The following MGAM2 variants were observed in gnomAD, a reference collection of about 807,000 sequenced individuals.
The protein encoded by MGAM2 is maltase-glucoamylase 2 (putative), also known as probable maltase-glucoamylase 2.
Under a neutral mutation model 96.1 loss-of-function variants are expected in MGAM2, and 98 were observed. That is an observed-to-expected ratio of 1.02 (90% confidence interval 0.87 to 1.21). The LOEUF (loss-of-function observed/expected upper bound fraction) is 1.21, where lower values mean the gene tolerates loss of function less well. Among genes scored for constraint, MGAM2 ranks in the 50% most tolerant of loss-of-function variants. The probability of loss-of-function intolerance (pLI) is 0.00; values close to 1 mark genes in which losing one functional copy is unlikely to be tolerated. For missense variants in MGAM2, 2,055 were observed against 1,182.4 expected, an observed-to-expected ratio of 1.74 and a Z score of -10.82; for synonymous variants, 749 against 414.8, an observed-to-expected ratio of 1.81 and a Z score of -9.79.
chr7:142,131,681 A>C (rs1245800843), intron 5 of MGAM2, 54 bp downstream of exon 5: 1 of 695,176 alleles, frequency 1.4e-6, no homozygotes, highest in Non-Finnish European at 2.6e-6. Context: ...GTGTGCTCAC[A>C]TTGGGCTTGA....
intron 2 of MGAM2, among the ~76,000 whole-genome samples, chr7:142,119,719 A>G (rs940148120): frequency 6.6e-6 from 1 of 152,270 alleles, no homozygotes; most frequent in Non-Finnish European, 1.5e-5. Flanking sequence ...TGATTCAGCC[A>G]TTAAAAGCAA....
At chr7:142,168,646 C>G (rs949552426) in intron 26 of MGAM2, among the ~76,000 whole-genome samples, 1 of 152,052 alleles carries the variant, frequency 6.6e-6, no homozygotes, top group Admixed American at 6.6e-5. Flanking sequence ...TGAGATCTAC[C>G]GCTATGCACA....
chr7:142,176,898 A>G (rs1411347244), intron 32 of MGAM2, among the ~76,000 whole-genome samples: 1 of 152,218 alleles, frequency 6.6e-6, no homozygotes, highest in Non-Finnish European at 1.5e-5. Context: ...CTGTCTTTGT[A>G]AAAATAGATT....
chr7:142,175,891 G>C, intron 32 of MGAM2, 111 bp downstream of exon 32: 1 of 480,042 alleles, frequency 2.1e-6, no homozygotes, highest in Non-Finnish European at 3.7e-6. Flanking sequence ...CCTGTACTCT[G>C]TACTTTTTGT....
intron 37 of MGAM2, among the ~76,000 whole-genome samples, chr7:142,191,215 A>G (rs892312554): frequency 6.6e-6 from 1 of 152,114 alleles, no homozygotes; most frequent in African/African-American, 2.4e-5. Context: ...GTTTGAGGAT[A>G]TTTTCTCTCA....
At chr7:142,124,303 G>A (rs976363590) in intron 3 of MGAM2, among the ~76,000 whole-genome samples, 1 of 151,686 alleles carries the variant, frequency 6.6e-6, no homozygotes, top group Non-Finnish European at 1.5e-5. Flanking sequence ...ATTTTTAATC[G>A]ATCCATCACC....
In MGAM2 at chr7:142,143,876, G is replaced by A. The variant is rs1340999124; in HGVS notation, c.1425G>A (p.Val475=). 1 of 702,642 alleles carries A rather than the reference G, an allele frequency of 1.4e-6. No individual in the cohort carries two copies. The highest frequency in any genetic ancestry group is 2.6e-6 in the Non-Finnish European group (1 of 384,836). The allele number at this position is 702,642 out of a possible 1,614,324, so 43.5% of individuals were successfully genotyped here. A position where few individuals can be genotyped will look rare whatever the true frequency, so the allele number is the denominator to read the frequency against. Residue 475 remains valine, a synonymous_variant, in exon 13 of 48, where the codon GTG becomes GTA. Transcript: ENST00000477922. ...KFHDHLEFDG[V]WIEMNEVSSL... ...ATGATCATCTGGAGTTTGATGGAGT[G>A]TGGATTGTAAGTTATTATTCCTGAC...
chr7:142,191,718 G>T (rs1796876913), intron 37 of MGAM2, among the ~76,000 whole-genome samples: 1 of 151,682 alleles, frequency 6.6e-6, no homozygotes, highest in African/African-American at 2.4e-5. Context: ...CATTTGATAT[G>T]AATTTTGTAA....
chr7:142,145,020 C>T (rs375656876), intron 14 of MGAM2, 75 bp downstream of exon 14: 8 of 673,436 alleles, frequency 1.2e-5, no homozygotes, highest in Middle Eastern at 2.4e-4. Context: ...TCAGTGTGGT[C>T]GGGAGCAATT....
At chr7:142,181,364 A>G (rs997116335) in intron 32 of MGAM2, among the ~76,000 whole-genome samples, 7 of 151,906 alleles carry the variant, frequency 4.6e-5, no homozygotes, top group African/African-American at 1.7e-4. Context: ...TTTCACAGGC[A>G]CCCTTTTTGT....
At chr7:142,215,966 T>C (rs557777488) in intron 46 of MGAM2, among the ~76,000 whole-genome samples, 1 of 152,304 alleles carries the variant, frequency 6.6e-6, no homozygotes, top group East Asian at 1.9e-4. Context: ...TAGACTTCCA[T>C]GTTGCCTACT....
rs145141137 is a variant in MGAM2, at chr7:142,191,728, A to G, written c.4346+2223A>G. On this transcript the variant is annotated intron_variant, in intron 37 of 47. Coordinates refer to ENST00000477922, the MANE Select transcript of MGAM2 (RefSeq NM_001293626.2). ...CCTTGCATTTGATATGAATTTTGTA[A>G]TCACTTTGTCAGTTTTGACAAAATA... Among the ~76,000 whole-genome samples, 538 of 152,012 alleles carry G rather than the reference A, an allele frequency of 3.5e-3. 3 individuals are homozygous for G. The highest frequency in any genetic ancestry group is 0.012 in the African/African-American group (514 of 41,448).
rs1295614134 is a variant in MGAM2, at chr7:142,148,105, A to G, written c.1634+532A>G. Among the ~76,000 whole-genome samples, 1 of 151,980 alleles carries G rather than the reference A, an allele frequency of 6.6e-6. No individual in the cohort carries two copies. The highest frequency in any genetic ancestry group is 1.5e-5 in the Non-Finnish European group (1 of 67,994). Reference sequence around the variant, plus strand: ...TGCCCTAAGACACACACACATGCACACACACGTGCACACACAACTATCACC... The same window carrying G: ...TGCCCTAAGACACACACACATGCACGCACACGTGCACACACAACTATCACC... On this transcript the variant is annotated intron_variant, in intron 15 of 47. Transcript: ENST00000477922. The surrounding 1 kb of genome is among the most constrained non-coding windows in gnomAD (Gnocchi z 4.2).
intron 12 of MGAM2, among the ~76,000 whole-genome samples, chr7:142,142,028 C>A (rs1795245309): frequency 6.6e-6 from 1 of 152,172 alleles, no homozygotes; most frequent in South Asian, 2.1e-4. Flanking sequence ...AGAGAGTTCA[C>A]GTGACTGCAG....
At chr7:142,177,583 C>G (rs1368866456) in intron 32 of MGAM2, among the ~76,000 whole-genome samples, 1 of 152,080 alleles carries the variant, frequency 6.6e-6, no homozygotes, top group Non-Finnish European at 1.5e-5. Flanking sequence ...TATGTGTACC[C>G]AGTACTTAGC....
In MGAM2 at chr7:142,221,417, T is replaced by A; in HGVS notation, c.6906T>A (p.His2302Gln). The A allele has an allele frequency of 1.7e-6, 1 of 597,698 alleles. No individual in the cohort carries two copies. Among genetic ancestry groups the A allele is most frequent in the South Asian group, 2.1e-5 (1 of 48,538 alleles). The allele number at this position is 597,698 out of a possible 1,614,324, so 37.0% of individuals were successfully genotyped here. The change falls in exon 48 of 48, where the codon CAT (histidine) becomes CAA (glutamine). Residue 2302 changes from histidine to glutamine, a missense_variant. Transcript: ENST00000477922. ...AGACTTCTCCTACCATTCCTACCCA[T>A]ACTCTTACTTCTATTCCTAGCTCTA... ...YYQTSPTIPT[H>Q]TLTSIPSSIT...
chr7:142,174,376 G>C (rs1236972490), intron 31 of MGAM2, among the ~76,000 whole-genome samples: 1 of 152,034 alleles, frequency 6.6e-6, no homozygotes, highest in Non-Finnish European at 1.5e-5. Context: ...AGTTCTCCTT[G>C]TAGAGATCTT....
chr7:142,128,979 G>A (rs6953076), intron 3 of MGAM2, among the ~76,000 whole-genome samples: 17,373 of 152,226 alleles, frequency 0.11, 1,076 homozygotes, highest in South Asian at 0.19. Context: ...CGGAAAAGCC[G>A]CAGACACTCA....
intron 7 of MGAM2, among the ~76,000 whole-genome samples, 181 bp from the exon 8 acceptor site, chr7:142,136,360 C>T (rs1055266896): frequency 8.6e-5 from 13 of 152,012 alleles, no homozygotes; most frequent in African/African-American, 3.1e-4. Flanking sequence ...ATAGATAATA[C>T]CATATTTTGT....
Sources: gnomAD v4.1 joint callset for allele counts (sites outside exome capture counted in the v4.1 genomes callset) on GRCh38, gnomAD v4.1.1 for gene constraint, Gnocchi (gnomAD v3.1) non-coding constraint, MANE v1.5 for transcripts, NCBI Gene and HGNC (gene_info 2026-07-23, HGNC 2026-07-21) for gene names.